Variants in NRP2 observed in about 807,000 individuals in gnomAD.
The protein encoded by NRP2 is neuropilin-2.
In NRP2, 52 loss-of-function variants were observed where a neutral mutation model predicts 110.4. That is an observed-to-expected ratio of 0.47 (90% CI 0.38 to 0.59). The LOEUF (loss-of-function observed/expected upper bound fraction) is 0.59, where lower values mean the gene tolerates loss of function less well. NRP2 is among the 20% of genes least tolerant of loss of function. NRP2 has a pLI of 0.00. For missense variants in NRP2, 1,049 were observed against 1,203.0 expected (o/e 0.87, Z 1.89); for synonymous variants, 508 against 468.9 (o/e 1.08, Z -1.08).
Position 205,794,797 on chromosome 2 carries a change from A to G in NRP2, c.2520A>G (p.Ser840=), listed in dbSNP as rs2105979665. 7 of 1,614,164 alleles carry G rather than the reference A, an allele frequency of 4.3e-6. No homozygotes were observed. Among genetic ancestry groups the G allele is most frequent in the Non-Finnish European group, 5.1e-6 (6 of 1,180,032 alleles). Residue 840 remains serine, a synonymous_variant, in exon 17 of 17, where the codon TCA becomes TCG. Coordinates refer to ENST00000357785, the MANE Select transcript of NRP2 (RefSeq NM_003872.3). ...VDWSNSSSAT[S]GSGAPSTDKE... is the part of the protein sequence containing the mutation. ...GGAGCAATTCTTCTTCTGCAACCTC[A>G]GGGTCTGGCGCCCCCTCGACCGACA...
chr2:205,730,242 C>T (rs749897093), intron 7 of NRP2, among the ~76,000 whole-genome samples: 1 of 152,200 alleles, frequency 6.6e-6, no homozygotes, highest in Non-Finnish European at 1.5e-5. Flanking sequence ...TGTGCAGATT[C>T]CCCCTCATTC....
chr2:205,775,539 T>C (rs1466662912), intron 15 of NRP2, among the ~76,000 whole-genome samples: 2 of 152,200 alleles, frequency 1.3e-5, no homozygotes, highest in South Asian at 2.1e-4. Context: ...TCCAATCTGC[T>C]TTTAAAAATC....
intron 7 of NRP2, among the ~76,000 whole-genome samples, chr2:205,730,740 A>G (rs555067036): frequency 1.3e-5 from 2 of 152,320 alleles, no homozygotes; most frequent in East Asian, 3.9e-4. Context: ...AAGTCAGAGA[A>G]AAACAAGTTT....
At chr2:205,745,681 A>C in intron 9 of NRP2, 65 bp from the exon 10 acceptor site, 1 of 1,602,138 alleles carries the variant, frequency 6.2e-7, no homozygotes, top group South Asian at 1.1e-5. Flanking sequence ...AGGGGAAGGA[A>C]AGGGAAGAAG....
At chr2:205,733,032 A>T (rs1220777797) in intron 7 of NRP2, among the ~76,000 whole-genome samples, 1 of 152,084 alleles carries the variant, frequency 6.6e-6, no homozygotes, top group Non-Finnish European at 1.5e-5. Context: ...GGGGGCTGAT[A>T]CCCCTTCCAA....
At position 205,794,933 on chromosome 2, in the gene NRP2, A is replaced by G. The variant is rs141567470; in HGVS notation, c.2656A>G (p.Thr886Ala). 1.9e-6 allele frequency: 3 copies of G among 1,614,032 alleles called. No individual in the cohort carries two copies. Among genetic ancestry groups the G allele is most frequent in the Non-Finnish European group, 2.5e-6 (3 of 1,179,992 alleles). ...ATCAGLLLYC[T>A]CSYSGLSSRS... ...CTGTGCAGGCCTCCTGCTCTACTGC[A>G]CCTGTTCCTACTCGGGCCTGAGCTC... The change falls in exon 17 of 17, where the codon ACC becomes GCC. Residue 886 changes from threonine (T) to alanine (A), a missense_variant. Transcript: ENST00000357785.
In NRP2 at chr2:205,704,809, C is replaced by T. The variant is rs542276532; in HGVS notation, c.251+7088C>T. 9.5e-4 allele frequency among the ~76,000 whole-genome samples: 145 copies of T among 152,204 alleles called. 1 individual carries two copies. The highest frequency in any genetic ancestry group is 3.0e-3 in the African/African-American group (126 of 41,512). ...ACTTGAGATGTTATCATGCACAATC[C>T]CACTTGTTCTGCCTCTCCACCCTGG... On this transcript the variant is annotated intron_variant, in intron 2 of 16. Coordinates refer to ENST00000357785, the MANE Select transcript of NRP2 (RefSeq NM_003872.3).
intron 1 of NRP2, among the ~76,000 whole-genome samples, chr2:205,685,148 C>A (rs1440056812): frequency 1.3e-5 from 2 of 152,248 alleles, no homozygotes; most frequent in Non-Finnish European, 2.9e-5. Context: ...CGCTCTGCCA[C>A]CTGCCTGCCG....
chr2:205,748,043 G>A (rs548702158), intron 10 of NRP2, among the ~76,000 whole-genome samples: 12 of 151,892 alleles, frequency 7.9e-5, no homozygotes, highest in Admixed American at 2.0e-4. Flanking sequence ...TACAAACATA[G>A]TACAAACAGT....
intron 12 of NRP2, among the ~76,000 whole-genome samples, chr2:205,754,317 G>A (rs2057698988): frequency 6.6e-6 from 1 of 152,218 alleles, no homozygotes; most frequent in Non-Finnish European, 1.5e-5. Flanking sequence ...CTTCTTCCCG[G>A]TGGGGGCAGT....
intron 15 of NRP2, chr2:205,768,370 A>C (rs2057962407): frequency 6.6e-6 from 1 of 152,182 alleles, no homozygotes; most frequent in Non-Finnish European, 1.5e-5. Flanking sequence ...AAAGCTGTGG[A>C]TGTTGTTTCG....
At chr2:205,748,579 A>G (rs964021013) in intron 10 of NRP2, among the ~76,000 whole-genome samples, 1 of 152,238 alleles carries the variant, frequency 6.6e-6, no homozygotes, top group Non-Finnish European at 1.5e-5. Context: ...GCCGACCGTG[A>G]AAAAGCTATT....
At position 205,798,128 on chromosome 2, in the gene NRP2, G is replaced by C. The variant is rs2058366151; in HGVS notation, c.*3070G>C. ...TACTATTTAAATAAACATTATACCA[G>C]AGATATTTTTCTGCATCGTGGTTTT... On this transcript the variant is annotated 3_prime_UTR_variant, in exon 17 of 17. Transcript: ENST00000357785. The C allele has an allele frequency of 6.7e-6, 1 of 148,218 alleles. No homozygotes were observed. The allele number at this position is 148,218 out of a possible 1,614,324, so 9.2% of individuals were successfully genotyped here.
chr2:205,743,753 T>A, intron 9 of NRP2: 1 of 1,184,872 alleles, frequency 8.4e-7, no homozygotes, highest in Non-Finnish European at 1.1e-6. Flanking sequence ...TGTTTGTTTG[T>A]TTGTTTGTTT....
intron 2 of NRP2, among the ~76,000 whole-genome samples, chr2:205,699,003 C>T (rs1308129872): frequency 6.6e-6 from 1 of 152,180 alleles, no homozygotes; most frequent in Non-Finnish European, 1.5e-5. Context: ...ATTATTATCC[C>T]CCTAGGGCTA....
intron 15 of NRP2, chr2:205,777,937 T>C (rs1453197974): frequency 6.6e-6 from 1 of 152,206 alleles, no homozygotes; most frequent in Non-Finnish European, 1.5e-5. Context: ...CAAATGAAGA[T>C]GTAACCATTG....
chr2:205,701,549 A>AG (rs1425751945), intron 2 of NRP2: 3 of 151,736 alleles, frequency 2.0e-5, no homozygotes, highest in Non-Finnish European at 4.4e-5. Context: ...AAAAAAAAAA[A>AG]AAAAAGAATT....
intron 15 of NRP2, chr2:205,776,133 C>T (rs2058092834): frequency 9.4e-7 from 1 of 1,060,836 alleles, no homozygotes; most frequent in Middle Eastern, 2.0e-4. Context: ...GTCCCCCAGA[C>T]CCTTCCCTGT....
At chr2:205,734,710 T>A (rs768238440) in intron 7 of NRP2, among the ~76,000 whole-genome samples, 2 of 152,152 alleles carry the variant, frequency 1.3e-5, no homozygotes, top group Non-Finnish European at 2.9e-5. Flanking sequence ...TTCCCCCTTC[T>A]TGAGTGTCTG....
Sources: gnomAD v4.1 joint callset for allele counts (sites outside exome capture counted in the v4.1 genomes callset) on GRCh38, gnomAD v4.1.1 for gene constraint, MANE v1.5 for transcripts, NCBI Gene and HGNC (gene_info 2026-07-23, HGNC 2026-07-21) for gene names.